The following CDH18 variants were observed in gnomAD, a reference collection of about 807,000 sequenced individuals.
CDH18 encodes the protein cadherin-18.
A neutral mutation model predicts 67.9 loss-of-function variants in CDH18; 31 were observed. That is an observed-to-expected ratio of 0.46 (90% CI 0.34 to 0.62). CDH18 has a LOEUF of 0.62. CDH18 is among the 20% of genes least tolerant of loss of function. The pLI is 0.01. For synonymous variants in CDH18, 362 were observed against 347.2 expected (o/e 1.04, Z -0.48); for missense variants, 890 against 975.5 (o/e 0.91, Z 1.17).
At chr5:20,065,775 A>T (rs1742931187) in intron 2 of CDH18, among the ~76,000 whole-genome samples, 1 of 152,000 alleles carries the variant, frequency 6.6e-6, no homozygotes, top group Non-Finnish European at 1.5e-5. Context: ...ATTTTTACTT[A>T]ATGTGTTTCC....
chr5:20,175,960 G>A (rs1335443210), intron 2 of CDH18, among the ~76,000 whole-genome samples: 1 of 152,088 alleles, frequency 6.6e-6, no homozygotes, highest in African/African-American at 2.4e-5. Flanking sequence ...ACCATTACAA[G>A]CTATATGATT....
intron 1 of CDH18, among the ~76,000 whole-genome samples, chr5:20,407,199 A>G (rs1486683181): frequency 1.3e-5 from 2 of 152,052 alleles, no homozygotes; most frequent in East Asian, 1.9e-4. Context: ...TCAAGCTTTC[A>G]TTTTTTCCCA....
chr5:19,966,636 A>G (rs915204626), intron 2 of CDH18, among the ~76,000 whole-genome samples: 1 of 152,108 alleles, frequency 6.6e-6, no homozygotes, highest in South Asian at 2.1e-4. Context: ...CTATATGTAG[A>G]AAATTTTACT....
chr5:20,319,205 G>A (rs1737758656), intron 1 of CDH18, among the ~76,000 whole-genome samples: 1 of 152,084 alleles, frequency 6.6e-6, no homozygotes, highest in Non-Finnish European at 1.5e-5. Context: ...ATTTCCCTTT[G>A]GTCAGATGGA....
chr5:19,820,325 G>C (rs1439281286), intron 3 of CDH18, among the ~76,000 whole-genome samples: 1 of 152,140 alleles, frequency 6.6e-6, no homozygotes. Flanking sequence ...TAGCTGTTCA[G>C]ACCTGCTCCT....
At chr5:20,228,422 A>G (rs1741808473) in intron 2 of CDH18, among the ~76,000 whole-genome samples, 1 of 152,220 alleles carries the variant, frequency 6.6e-6, no homozygotes, top group African/African-American at 2.4e-5. Flanking sequence ...TGGAATGACT[A>G]AATATACCTA....
At chr5:19,618,443 T>C (rs62351276) in intron 5 of CDH18, among the ~76,000 whole-genome samples, 2,174 of 152,234 alleles carry the variant, frequency 0.014, 24 homozygotes, top group South Asian at 0.025. Context: ...TGGCCTCAAA[T>C]GATCCACCCA....
intron 2 of CDH18, among the ~76,000 whole-genome samples, chr5:19,929,301 T>C (rs1793429682): frequency 6.6e-6 from 1 of 152,044 alleles, no homozygotes; most frequent in Non-Finnish European, 1.5e-5. Flanking sequence ...GCATCAGACA[T>C]AGGTATTGAT....
intron 1 of CDH18, among the ~76,000 whole-genome samples, chr5:20,568,654 T>C (rs949450355): frequency 1.3e-5 from 2 of 152,176 alleles, no homozygotes; most frequent in African/African-American, 2.4e-5. Flanking sequence ...CATATCCATA[T>C]ACAGAGACAG....
chr5:20,379,838 G>A (rs189802605), intron 1 of CDH18, among the ~76,000 whole-genome samples: 1 of 151,966 alleles, frequency 6.6e-6, no homozygotes, highest in African/African-American at 2.4e-5. Context: ...GAATCAGTAT[G>A]AGAAAAGGAG....
At chr5:20,118,782 G>A (rs1338829521) in intron 2 of CDH18, among the ~76,000 whole-genome samples, 5 of 152,044 alleles carry the variant, frequency 3.3e-5, no homozygotes, top group African/African-American at 1.2e-4. Flanking sequence ...AACACCTAGA[G>A]CAAATGTCTG....
intron 1 of CDH18, among the ~76,000 whole-genome samples, chr5:20,446,368 C>T (rs1294449777): frequency 2.6e-5 from 4 of 152,052 alleles, no homozygotes; most frequent in African/African-American, 9.7e-5. Context: ...AGCTTTTCTT[C>T]CCAGCTGCTA....
At chr5:19,744,503 TACACACACACAC>T (rs34059092) in intron 4 of CDH18, among the ~76,000 whole-genome samples, 14 of 146,366 alleles carry the variant, frequency 9.6e-5, no homozygotes, top group East Asian at 2.0e-4. Context: ...TAACTCAGTG[TACACACACACAC>T]ACACACACAC....
At chr5:19,835,264 C>T (rs1781491308) in intron 3 of CDH18, among the ~76,000 whole-genome samples, 1 of 151,982 alleles carries the variant, frequency 6.6e-6, no homozygotes, top group African/African-American at 2.4e-5. Flanking sequence ...AGCAAACTAA[C>T]ACAGGAACAG....
intron 1 of CDH18, among the ~76,000 whole-genome samples, chr5:20,532,848 G>C (rs62352735): frequency 0.02 from 3,056 of 151,738 alleles, 46 homozygotes; most frequent in African/African-American, 0.04. Flanking sequence ...TCTTTTTGTA[G>C]GGGTTTGTAA....
chr5:20,558,771 C>T (rs905016465), intron 1 of CDH18, among the ~76,000 whole-genome samples: 10 of 151,866 alleles, frequency 6.6e-5, no homozygotes, highest in African/African-American at 2.4e-4. Context: ...GGTCGACAAT[C>T]ATGCAATTCA....
intron 2 of CDH18, among the ~76,000 whole-genome samples, chr5:20,185,786 C>T (rs1049644434): frequency 6.6e-6 from 1 of 151,992 alleles, no homozygotes; most frequent in Non-Finnish European, 1.5e-5. Context: ...ATTACATATT[C>T]CATACACACA....
intron 1 of CDH18, among the ~76,000 whole-genome samples, chr5:20,573,849 T>TATG (rs1758953654): frequency 8.8e-6 from 1 of 113,446 alleles, no homozygotes. Context: ...ATATATGTAT[T>TATG]TATATATAAA....
At position 20,223,304 on chromosome 5, in the gene CDH18, G is replaced by A. The variant is rs560519737; in HGVS notation, c.-518+32140C>T. 2.0e-5 allele frequency among the ~76,000 whole-genome samples: 3 copies of A among 152,276 alleles called. No individual in the cohort carries two copies. The South Asian group carries it at 6.2e-4, about 32-fold the overall frequency. On this transcript the variant is annotated intron_variant, in intron 2 of 14. Coordinates refer to the CDH18 transcript ENST00000507958. ...TTGATTTCGGAGTTACATGGGGCCT[G>A]TAATCCCTTCATTTTAGCCAATTTA... is the stretch of plus-strand genomic sequence containing the variant.
Sources: allele counts gnomAD v4.1 joint callset (sites outside exome capture counted in the v4.1 genomes callset), GRCh38; gene constraint gnomAD v4.1.1; transcripts MANE v1.5; gene names NCBI Gene and HGNC (gene_info 2026-07-23, HGNC 2026-07-21).